The following EPB41L2 variants were observed in gnomAD, a reference collection of about 807,000 sequenced individuals.
EPB41L2 encodes erythrocyte membrane protein band 4.1 like 2.
A neutral mutation model predicts 113.0 loss-of-function variants in EPB41L2; 43 were observed. The observed-to-expected ratio is 0.38, with a 90% CI of 0.30 to 0.49. EPB41L2 has a LOEUF of 0.49. EPB41L2 is among the 20% of genes least tolerant of loss of function. EPB41L2 has a pLI of 0.95. For missense variants in EPB41L2, 1,147 were observed against 1,223.4 expected, an observed-to-expected ratio of 0.94 and a Z score of 0.93; for synonymous variants, 442 against 436.7, an observed-to-expected ratio of 1.01 and a Z score of -0.15.
intron 1 of EPB41L2, among the ~76,000 whole-genome samples, chr6:130,992,267 T>G (rs1036190378): frequency 2.0e-5 from 3 of 152,130 alleles, no homozygotes; most frequent in Non-Finnish European, 4.4e-5. Context: ...TATGAAAAAT[T>G]TATGTATCTA....
At chr6:131,018,461 G>A (rs1319846864) in intron 1 of EPB41L2, among the ~76,000 whole-genome samples, 1 of 152,108 alleles carries the variant, frequency 6.6e-6, no homozygotes, top group East Asian at 1.9e-4. Flanking sequence ...AGCTAGCAAT[G>A]TTTTTCAAAC....
intron 1 of EPB41L2, among the ~76,000 whole-genome samples, chr6:131,024,258 G>A (rs1442034027): frequency 6.6e-6 from 1 of 152,194 alleles, no homozygotes; most frequent in African/African-American, 2.4e-5. Flanking sequence ...AAAAGCCCAT[G>A]TGTGATGAAA....
intron 1 of EPB41L2, among the ~76,000 whole-genome samples, chr6:130,989,470 G>GA (rs35475611): frequency 0.29 from 43,127 of 150,114 alleles, 6,784 homozygotes; most frequent in East Asian, 0.72. Context: ...GGGCTGAGTA[G>GA]AAAAAAAAAA....
chr6:130,977,199 A>G (rs772915308), intron 1 of EPB41L2, among the ~76,000 whole-genome samples: 6 of 152,206 alleles, frequency 3.9e-5, no homozygotes, highest in African/African-American at 7.2e-5. Context: ...AGAAACAACA[A>G]TCTTGCTAGC....
At chr6:131,013,287 C>A (rs894894517) in intron 1 of EPB41L2, among the ~76,000 whole-genome samples, 2 of 151,744 alleles carry the variant, frequency 1.3e-5, no homozygotes, top group Non-Finnish European at 2.9e-5. Flanking sequence ...AAAATACATG[C>A]CTAAGATGCC....
chr6:130,870,934 T>A (rs1466374586), intron 14 of EPB41L2, among the ~76,000 whole-genome samples: 1 of 152,176 alleles, frequency 6.6e-6, no homozygotes, highest in Non-Finnish European at 1.5e-5. Flanking sequence ...GTATCATAGG[T>A]TGGCAAAGGC....
chr6:130,985,295 T>G (rs1239314585), intron 1 of EPB41L2, among the ~76,000 whole-genome samples: 5 of 151,824 alleles, frequency 3.3e-5, no homozygotes, highest in African/African-American at 4.8e-5. Context: ...CAGCCACATT[T>G]GGGGGGGGAC....
intron 1 of EPB41L2, among the ~76,000 whole-genome samples, chr6:130,987,930 T>C (rs962544388): frequency 6.6e-6 from 1 of 151,762 alleles, no homozygotes; most frequent in African/African-American, 2.4e-5. Flanking sequence ...CTGGGCAACA[T>C]GGTGAGATCC....
chr6:130,855,538 A>G (rs1472137209), intron 19 of EPB41L2, among the ~76,000 whole-genome samples: 1 of 152,296 alleles, frequency 6.6e-6, no homozygotes, highest in East Asian at 1.9e-4. Context: ...AGATATGAAG[A>G]GTCAGGTTGC....
chr6:130,857,110 G>C (rs1185481115), intron 19 of EPB41L2, among the ~76,000 whole-genome samples: 1 of 152,008 alleles, frequency 6.6e-6, no homozygotes, highest in Admixed American at 6.6e-5. Context: ...ATATTTTTTA[G>C]ATATATTTGT....
At chr6:131,030,984 C>G (rs1253844843) in intron 1 of EPB41L2, among the ~76,000 whole-genome samples, 2 of 151,668 alleles carry the variant, frequency 1.3e-5, no homozygotes, top group African/African-American at 4.8e-5. Flanking sequence ...CCCAGCTACT[C>G]AGGAGGCTAA....
intron 1 of EPB41L2, among the ~76,000 whole-genome samples, chr6:130,974,904 C>T (rs892304913): frequency 6.6e-6 from 1 of 151,468 alleles, no homozygotes; most frequent in African/African-American, 2.4e-5. Flanking sequence ...ACTACAGGTG[C>T]CCGCCACCAC....
At chr6:130,914,153 T>C (rs140762590) in intron 4 of EPB41L2, among the ~76,000 whole-genome samples, 134 of 152,342 alleles carry the variant, frequency 8.8e-4, no homozygotes, top group African/African-American at 3.0e-3. Context: ...TCACAACATC[T>C]ACCTCATAGG....
In EPB41L2 at chr6:130,900,823, C is replaced by A. The variant is rs1041686951; in HGVS notation, c.1148+139G>T. The A allele has an allele frequency of 7.2e-5, 63 of 878,330 alleles. No homozygotes were observed. In the African/African-American group the frequency reaches 9.9e-4, roughly 14 times the overall value. 54.4% of individuals were successfully genotyped at this position (878,330 alleles called of 1,614,324 possible). A position where few individuals can be genotyped will look rare whatever the true frequency, so the allele number is the denominator to read the frequency against. On this transcript the variant is annotated intron_variant, in intron 7 of 19. Transcript: ENST00000337057. ...AGGATACCTCAAGGGCTCCACGTTG[C>A]CTTGATTAGTGCTAGGTGAAACTCC...
intron 1 of EPB41L2, among the ~76,000 whole-genome samples, chr6:130,996,227 C>G (rs1477671376): frequency 6.6e-6 from 1 of 152,148 alleles, no homozygotes; most frequent in East Asian, 1.9e-4. Flanking sequence ...CTTTAAAAGA[C>G]ACAGATGGAA....
chr6:130,904,517 T>G lies in EPB41L2; in HGVS notation c.877A>C (p.Asn293His). The G allele has an allele frequency of 6.2e-7, 1 of 1,605,318 alleles. No individual in the cohort carries two copies. The highest frequency in any genetic ancestry group is 8.5e-7 in the Non-Finnish European group (1 of 1,173,768). ...GGATCAGGAGGATAAAACTTCACAT[T>G]AAAAGTGAATAGCCATGGAAGGTCT... ...LRNLPWLFTF[N>H]VKFYPPDPSQ... Residue 293 changes from asparagine to histidine, a missense_variant, in exon 6 of 20, where the codon AAT (asparagine) becomes CAT (histidine). By Grantham distance (68) the Asn-to-His change is moderately conservative. Coordinates refer to ENST00000337057, the MANE Select transcript of EPB41L2 (RefSeq NM_001431.4).
At chr6:130,890,694 T>C (rs1792552559) in intron 10 of EPB41L2, among the ~76,000 whole-genome samples, 1 of 152,210 alleles carries the variant, frequency 6.6e-6, no homozygotes, top group Admixed American at 6.5e-5. Context: ...AATAATGTTC[T>C]TCTCCACCTA....
At chr6:131,006,030 C>G (rs767527619) in intron 1 of EPB41L2, among the ~76,000 whole-genome samples, 1 of 151,908 alleles carries the variant, frequency 6.6e-6, no homozygotes, top group Non-Finnish European at 1.5e-5. Context: ...AAAAAGAAGT[C>G]CTTCTTGTTG....
chr6:131,040,743 T>C (rs992418936), intron 1 of EPB41L2, among the ~76,000 whole-genome samples: 3 of 152,208 alleles, frequency 2.0e-5, no homozygotes, highest in Non-Finnish European at 4.4e-5. Flanking sequence ...CTGCATTATG[T>C]GGTGCCTGAT....
Sources: allele counts gnomAD v4.1 joint callset (sites outside exome capture counted in the v4.1 genomes callset), GRCh38; gene constraint gnomAD v4.1.1; transcripts MANE v1.5; gene names NCBI Gene and HGNC (gene_info 2026-07-23, HGNC 2026-07-21).